The following ORC2 variants were observed in gnomAD, a reference collection of about 807,000 sequenced individuals.
The protein encoded by ORC2 is origin recognition complex subunit 2, also known as origin recognition complex protein 2 homolog.
In ORC2, 37 loss-of-function variants were observed where a neutral mutation model predicts 77.7. The ratio of observed to expected loss-of-function variants is 0.48; its 90% confidence interval spans 0.37 to 0.63. The LOEUF (loss-of-function observed/expected upper bound fraction) is 0.63, where lower values mean the gene tolerates loss of function less well. Ranked by LOEUF, ORC2 falls within the 20% of genes least tolerant of loss-of-function variation. The probability of loss-of-function intolerance (pLI) is 0.00; values close to 1 mark genes in which losing one functional copy is unlikely to be tolerated. For missense variants in ORC2, 557 were observed against 661.9 expected (o/e 0.84, Z 1.74); for synonymous variants, 201 against 229.5 (o/e 0.88, Z 1.12).
intron 16 of ORC2, 74 bp from the exon 17 acceptor site, chr2:200,913,487 A>T: frequency 6.8e-7 from 1 of 1,472,206 alleles, no homozygotes; most frequent in East Asian, 2.7e-5. Flanking sequence ...CCCATACAAA[A>T]GAACAGAATA....
At chr2:200,934,634 T>C (rs1388957856) in intron 9 of ORC2, among the ~76,000 whole-genome samples, 1 of 151,482 alleles carries the variant, frequency 6.6e-6, no homozygotes, top group Non-Finnish European at 1.5e-5. Flanking sequence ...TGGCTTCAAA[T>C]AGTCTTAGCA....
At chr2:200,914,895 T>G (rs572374656) in intron 15 of ORC2, among the ~76,000 whole-genome samples, 1 of 151,614 alleles carries the variant, frequency 6.6e-6, no homozygotes, top group African/African-American at 2.4e-5. Flanking sequence ...TGCTGTTATC[T>G]CAAATCTTTG....
rs1228667979 is a variant in ORC2, at chr2:200,934,039, CA to C, written c.709-66del. ...ATATCTGTCTCATATCAAAATTAGA[CA>C]GTAATATTAATGTAAAATAGGACAC... On this transcript the variant is annotated intron_variant, in intron 9 of 17. Transcript: ENST00000234296. The C allele has an allele frequency of 1.0e-5, 8 of 781,716 alleles. No homozygotes were observed. In the East Asian group the frequency reaches 2.0e-4, roughly 20 times the overall value. 48.4% of individuals were successfully genotyped at this position (781,716 alleles called of 1,614,324 possible).
Position 200,909,023 on chromosome 2 carries a change from T to C in ORC2, c.*2278A>G, listed in dbSNP as rs1187332504. ...GGCTTTTTATTTATTAATAATAAAG[T>C]CTACTGACACATACTGCTTGCAAAT... On this transcript the variant is annotated 3_prime_UTR_variant, in exon 18 of 18. Coordinates refer to ENST00000234296, the MANE Select transcript of ORC2 (RefSeq NM_006190.5). 5 of 152,186 alleles carry C rather than the reference T, an allele frequency of 3.3e-5. No homozygotes were observed. Among genetic ancestry groups the C allele is most frequent in the Admixed American group, 3.3e-4 (5 of 15,276 alleles). The allele number at this position is 152,186 out of a possible 1,614,324, so 9.4% of individuals were successfully genotyped here. A position where few individuals can be genotyped will look rare whatever the true frequency, so the allele number is the denominator to read the frequency against.
intron 8 of ORC2, among the ~76,000 whole-genome samples, chr2:200,937,340 A>G (rs2041065550): frequency 6.6e-6 from 1 of 152,192 alleles, no homozygotes; most frequent in African/African-American, 2.4e-5. Context: ...TTTTATGGTG[A>G]TTAAAAATAC....
chr2:200,963,447 A>G (rs1316373530), intron 1 of ORC2, 43 bp downstream of exon 1: 4 of 398,540 alleles, frequency 1.0e-5, no homozygotes, highest in Non-Finnish European at 1.8e-5. Context: ...CCGCGAGCTA[A>G]GCAGAAAAGG....
intron 5 of ORC2, among the ~76,000 whole-genome samples, chr2:200,947,688 T>C (rs1458731301): frequency 6.6e-6 from 1 of 152,202 alleles, no homozygotes; most frequent in African/African-American, 2.4e-5. Context: ...CTTTCAAAAA[T>C]GATGACCCCC....
chr2:200,931,340 G>A lies in ORC2; in HGVS notation c.916C>T (p.His306Tyr). 3.2e-6 allele frequency: 4 copies of A among 1,248,308 alleles called. No individual in the cohort carries two copies. The South Asian group carries it at 4.2e-5, about 13-fold the overall frequency. The allele number at this position is 1,248,308 out of a possible 1,614,324, so 77.3% of individuals were successfully genotyped here. Residue 306 changes from histidine (H) to tyrosine (Y), a missense_variant and splice_region_variant, in exon 11 of 18, where the codon CAC becomes TAC. His to Tyr is a moderately conservative substitution (Grantham distance 83, BLOSUM62 2). Transcript: ENST00000234296. The part of the protein sequence containing the change: ...KLFHKWMLQL[H>Y]LGFNIVLYGL... ...AGGGTTTGTAATGATAATACTTACTGTAATTGCAGCATCCATTTATGAAAT... is the reference window on the plus strand; with the variant it reads ...AGGGTTTGTAATGATAATACTTACTATAATTGCAGCATCCATTTATGAAAT...
chr2:200,911,715 AG>A (rs978480678), intron 17 of ORC2, among the ~76,000 whole-genome samples: 2 of 152,154 alleles, frequency 1.3e-5, no homozygotes, highest in Non-Finnish European at 2.9e-5. Flanking sequence ...CCTTTCAACA[AG>A]AACCTTCCCT....
At chr2:200,945,745 A>G (rs369449354) in intron 5 of ORC2, among the ~76,000 whole-genome samples, 1 of 152,222 alleles carries the variant, frequency 6.6e-6, no homozygotes, top group South Asian at 2.1e-4. Context: ...TCTATTTTCT[A>G]ATTTTTTTAA....
chr2:200,926,834 G>A lies in ORC2; in HGVS notation c.984C>T (p.Thr328=), dbSNP rs774591549. The A allele has an allele frequency of 2.4e-5, 39 of 1,613,494 alleles. No homozygotes were observed. The highest frequency in any genetic ancestry group is 3.0e-5 in the Non-Finnish European group (35 of 1,179,478). Residue 328 remains threonine (T), a synonymous_variant, in exon 12 of 18, where the codon ACC becomes ACT. Coordinates refer to ENST00000234296, the MANE Select transcript of ORC2 (RefSeq NM_006190.5). Reference sequence around the variant, plus strand: ...CGTGAATGGAATCTTGCAGCATAGTGGTTCGAAACCTTTCTAGTAAATCTC... The same window carrying A: ...CGTGAATGGAATCTTGCAGCATAGTAGTTCGAAACCTTTCTAGTAAATCTC... ...SKRDLLERFR[T]TMLQDSIHVV... is the part of the protein sequence containing the mutation.
Position 200,926,776 on chromosome 2 carries a change from C to T in ORC2, c.1042G>A (p.Val348Met). 6.2e-7 allele frequency: 1 copy of T among 1,613,878 alleles called. No homozygotes were observed. Among genetic ancestry groups the T allele is most frequent in the Non-Finnish European group, 8.5e-7 (1 of 1,179,918 alleles). ...VINGFFPGIS[V>M]KSVLNSITEE... ...ACATTTTTGAAACTTACTGATTTCA[C>T]ACTGATTCCAGGAAAGAAGCCATTG... The change falls in exon 12 of 18, where the codon GTG becomes ATG. Residue 348 changes from valine to methionine, a missense_variant. Val to Met is a conservative substitution (Grantham distance 21). Transcript: ENST00000234296.
chr2:200,914,443 G>T (rs1437178429), intron 15 of ORC2, among the ~76,000 whole-genome samples: 1 of 152,122 alleles, frequency 6.6e-6, no homozygotes, highest in African/African-American at 2.4e-5. Context: ...TGGGATTACA[G>T]GCGTGAGCCA....
At chr2:200,937,848 A>G in intron 8 of ORC2, 58 bp downstream of exon 8, 1 of 1,140,432 alleles carries the variant, frequency 8.8e-7, no homozygotes, top group Non-Finnish European at 1.3e-6. Context: ...CTTAACTATT[A>G]TTGCCTCTTG....
chr2:200,913,509 T>G (rs1013464598), intron 16 of ORC2, 96 bp from the exon 17 acceptor site: 42 of 1,429,490 alleles, frequency 2.9e-5, no homozygotes, highest in Non-Finnish European at 3.7e-5. Flanking sequence ...AAGTGCTATT[T>G]GCATGTTATC....
At chr2:200,939,460 C>T (rs74953271) in intron 7 of ORC2, among the ~76,000 whole-genome samples, 2 of 152,272 alleles carry the variant, frequency 1.3e-5, no homozygotes, top group East Asian at 3.9e-4. Flanking sequence ...CTCATTTGGG[C>T]AAACTGTTCT....
intron 17 of ORC2, 42 bp downstream of exon 17, chr2:200,913,253 G>T: frequency 7.1e-7 from 1 of 1,416,264 alleles, no homozygotes; most frequent in South Asian, 1.2e-5. Context: ...TAAATGATAC[G>T]GACTATTCCT....
chr2:200,937,549 G>A (rs918987009), intron 8 of ORC2, among the ~76,000 whole-genome samples: 3 of 152,060 alleles, frequency 2.0e-5, no homozygotes, highest in African/African-American at 7.2e-5. Context: ...AATCTGAAAC[G>A]ATTTTTAATT....
At chr2:200,946,320 T>C (rs923211931) in intron 5 of ORC2, among the ~76,000 whole-genome samples, 1 of 152,120 alleles carries the variant, frequency 6.6e-6, no homozygotes, top group Admixed American at 6.6e-5. Flanking sequence ...GAATAACATA[T>C]GATTTTCTGG....
Sources: allele counts gnomAD v4.1 joint callset (sites outside exome capture counted in the v4.1 genomes callset), GRCh38; gene constraint gnomAD v4.1.1; transcripts MANE v1.5; gene names NCBI Gene and HGNC (gene_info 2026-07-23, HGNC 2026-07-21).